Variants in ADGRV1 observed in about 807,000 individuals in gnomAD.
The protein encoded by ADGRV1 is adhesion G protein-coupled receptor V1, also known as G-protein coupled receptor 98.
In ADGRV1, 359 loss-of-function variants were observed where a neutral mutation model predicts 596.2. The observed-to-expected ratio is 0.60, with a 90% CI of 0.55 to 0.66. The LOEUF (loss-of-function observed/expected upper bound fraction) is 0.66. Ranked by LOEUF, ADGRV1 falls within the 30% of genes least tolerant of loss-of-function variation. ADGRV1 has a pLI of 0.00. For synonymous variants in ADGRV1, 2,681 were observed against 2,679.2 expected (o/e 1.00, Z -0.02); for missense variants, 7,274 against 7,575.6 (o/e 0.96, Z 1.48).
chr5:90,877,716 T>C (rs1388598989), intron 83 of ADGRV1, among the ~76,000 whole-genome samples: 1 of 151,994 alleles, frequency 6.6e-6, no homozygotes, highest in Non-Finnish European at 1.5e-5. Context: ...AGGTGTAAGG[T>C]ATATTTTTTC....
chr5:90,595,586 A>G (rs1375297427), intron 1 of ADGRV1, among the ~76,000 whole-genome samples: 20 of 99,990 alleles, frequency 2.0e-4, no homozygotes, highest in Admixed American at 4.0e-4. Context: ...CCTCCCTCCC[A>G]GATGGGGCGG....
intron 79 of ADGRV1, among the ~76,000 whole-genome samples, chr5:90,849,544 C>G (rs555569568): frequency 6.6e-6 from 1 of 152,196 alleles, no homozygotes; most frequent in African/African-American, 2.4e-5. Context: ...CGTGCACCAC[C>G]ACACCTGGCT....
chr5:90,832,606 A>G (rs1292837540), intron 77 of ADGRV1, among the ~76,000 whole-genome samples: 3 of 152,020 alleles, frequency 2.0e-5, no homozygotes, highest in Admixed American at 1.3e-4. Context: ...TTTTAATTTG[A>G]TATGATTCCA....
intron 82 of ADGRV1, among the ~76,000 whole-genome samples, chr5:90,863,234 A>G (rs890446084): frequency 1.3e-5 from 2 of 152,254 alleles, no homozygotes; most frequent in Admixed American, 1.3e-4. Flanking sequence ...TTGTTGGATT[A>G]GTGCTAAGGT....
At chr5:90,720,888 A>T (rs1477582480) in intron 44 of ADGRV1, 47 bp from the exon 45 acceptor site, 1 of 1,529,826 alleles carries the variant, frequency 6.5e-7, no homozygotes, top group Admixed American at 1.8e-5. Context: ...TCAAATATGT[A>T]GAATGTATAC....
intron 83 of ADGRV1, among the ~76,000 whole-genome samples, chr5:90,899,899 T>C (rs1561913979): frequency 1.3e-5 from 2 of 152,142 alleles, no homozygotes; most frequent in Non-Finnish European, 2.9e-5. Context: ...CATCACCTAA[T>C]GGTCTTAGCT....
chr5:91,030,971 A>C (rs1330025116), intron 85 of ADGRV1: 2 of 1,270,732 alleles, frequency 1.6e-6, no homozygotes, highest in Non-Finnish European at 2.1e-6. Flanking sequence ...AAAGGAAAAA[A>C]CGTCGACTGA....
intron 83 of ADGRV1, among the ~76,000 whole-genome samples, chr5:90,909,439 C>T (rs1772640522): frequency 6.6e-6 from 1 of 152,158 alleles, no homozygotes; most frequent in African/African-American, 2.4e-5. Context: ...AAGACTCAGA[C>T]TCTTGGCTGG....
At chr5:91,131,959 A>G (rs980382538) in intron 87 of ADGRV1, among the ~76,000 whole-genome samples, 1 of 152,060 alleles carries the variant, frequency 6.6e-6, no homozygotes, top group Non-Finnish European at 1.5e-5. Context: ...ATCCACTTTG[A>G]GTTAACTTTT....
In ADGRV1 at chr5:90,684,198, A is replaced by G. The variant is rs768074037; in HGVS notation, c.6274+3A>G. ...AGCGAAAGTACAGAGTCGTTCAAGT[A>G]AGTATCCCTTAGTGTGTTATTATTA... On this transcript the variant is annotated splice_donor_region_variant and intron_variant, in intron 28 of 89. Coordinates refer to ENST00000405460, the MANE Select transcript of ADGRV1 (RefSeq NM_032119.4). 1 of 1,603,702 alleles carries G rather than the reference A, an allele frequency of 6.2e-7. No homozygotes were observed. The highest frequency in any genetic ancestry group is 1.1e-5 in the South Asian group (1 of 89,836).
At chr5:90,823,618 TA>T in intron 76 of ADGRV1, 22 bp downstream of exon 76, 1 of 1,576,672 alleles carries the variant, frequency 6.3e-7, no homozygotes, top group East Asian at 2.2e-5. Context: ...AGAGACACAC[TA>T]GTGTCAACTT....
At chr5:90,623,181 T>G (rs1421152396) in intron 5 of ADGRV1, among the ~76,000 whole-genome samples, 1 of 152,244 alleles carries the variant, frequency 6.6e-6, no homozygotes. Flanking sequence ...CATTTCATGA[T>G]TAATATAAAA....
chr5:90,853,442 G>T lies in ADGRV1; in HGVS notation c.17363G>T (p.Gly5788Val). Reference protein sequence around the residue: ...LDVQDAEIMAGKSTCKLVQFT... With the variant: ...LDVQDAEIMAVKSTCKLVQFT... The stretch of plus-strand genomic sequence containing the variant: ...GTCCAGGATGCAGAAATAATGGCTG[G>T]GAAAAGTACATGTAAATTAGTCCAG... The change falls in exon 80 of 90, where the codon GGG becomes GTG. Residue 5788 changes from glycine to valine, a missense_variant. Transcript: ENST00000405460. 1 of 1,613,408 alleles carries T rather than the reference G, an allele frequency of 6.2e-7. No individual in the cohort carries two copies. Among genetic ancestry groups the T allele is most frequent in the Non-Finnish European group, 8.5e-7 (1 of 1,179,562 alleles).
chr5:90,922,734 C>A (rs1272219935), intron 83 of ADGRV1, among the ~76,000 whole-genome samples: 2 of 152,202 alleles, frequency 1.3e-5, no homozygotes, highest in Non-Finnish European at 2.9e-5. Context: ...GTTAGAAATG[C>A]AGAATGCTGG....
At position 90,662,607 on chromosome 5, in the gene ADGRV1, CT is replaced by C. The variant is rs538566636; in HGVS notation, c.4752+4337del. Among the ~76,000 whole-genome samples, 6 of 149,150 alleles carry C rather than the reference CT, an allele frequency of 4.0e-5. No homozygotes were observed. The South Asian group carries it at 1.1e-3, about 27-fold the overall frequency. ...CTGGTAGTTTTTTTTTTCTTTTTTT[CT>C]TTTTTTTCTTTTATTATTATACTTT... On this transcript the variant is annotated intron_variant, in intron 21 of 89. Coordinates refer to ENST00000405460, the MANE Select transcript of ADGRV1 (RefSeq NM_032119.4).
intron 72 of ADGRV1, 64 bp downstream of exon 72, chr5:90,805,522 T>C: frequency 7.6e-7 from 1 of 1,312,366 alleles, no homozygotes; most frequent in Non-Finnish European, 1.0e-6. Context: ...TGGCCACTAA[T>C]TGTCTTGGGT....
intron 86 of ADGRV1, among the ~76,000 whole-genome samples, chr5:91,090,076 T>C (rs189912891): frequency 3.7e-4 from 56 of 152,336 alleles, no homozygotes; most frequent in Admixed American, 1.1e-3. Context: ...GAAACATTTA[T>C]GAAATGTGTA....
intron 85 of ADGRV1, among the ~76,000 whole-genome samples, chr5:90,987,929 C>T (rs1381210400): frequency 6.6e-6 from 1 of 152,100 alleles, no homozygotes; most frequent in African/African-American, 2.4e-5. Flanking sequence ...TCTTTCCTGC[C>T]AGCCCTGAAG....
At chr5:90,992,600 C>T (rs1209636574) in intron 85 of ADGRV1, among the ~76,000 whole-genome samples, 2 of 152,178 alleles carry the variant, frequency 1.3e-5, no homozygotes, top group Admixed American at 6.6e-5. Context: ...TGAACTCTTC[C>T]GTGAGAAAGA....
Sources: allele counts gnomAD v4.1 joint callset (sites outside exome capture counted in the v4.1 genomes callset), GRCh38; gene constraint gnomAD v4.1.1; transcripts MANE v1.5; gene names NCBI Gene and HGNC (gene_info 2026-07-23, HGNC 2026-07-21).